The following TLK1 variants were observed in gnomAD, a reference collection of about 807,000 sequenced individuals.
TLK1 encodes serine/threonine-protein kinase tousled-like 1.
A neutral mutation model predicts 105.3 loss-of-function variants in TLK1; 24 were observed. The ratio of observed to expected loss-of-function variants is 0.23; its 90% CI spans 0.17 to 0.32. TLK1 has a LOEUF of 0.32. Ranked by LOEUF, TLK1 falls within the 10% of genes least tolerant of loss-of-function variation. The pLI is 1.00. For synonymous variants in TLK1, 321 were observed against 310.4 expected, an observed-to-expected ratio of 1.03 and a Z score of -0.36; for missense variants, 558 against 910.5, an observed-to-expected ratio of 0.61 and a Z score of 4.98.
At chr2:171,023,225 GA>G (rs1260243684) in intron 12 of TLK1, 2 of 468,452 alleles carry the variant, frequency 4.3e-6, no homozygotes, top group Admixed American at 2.4e-5. Context: ...TGTTGGATGT[GA>G]TTTTTGTTTT....
chr2:171,216,678 A>G (rs1227634372), intron 1 of TLK1, among the ~76,000 whole-genome samples: 1 of 152,114 alleles, frequency 6.6e-6, no homozygotes, highest in African/African-American at 2.4e-5. Context: ...AAGTAGGGCC[A>G]TTATAGTTGT....
intron 1 of TLK1, among the ~76,000 whole-genome samples, chr2:171,146,408 A>G (rs10182205): frequency 0.4 from 61,332 of 151,954 alleles, 14,120 homozygotes; most frequent in African/African-American, 0.62. Context: ...TTATGACATC[A>G]GCATATGACC....
intron 10 of TLK1, among the ~76,000 whole-genome samples, chr2:171,048,630 C>CAAGAGT (rs1290211447): frequency 6.6e-6 from 1 of 151,184 alleles, no homozygotes; most frequent in African/African-American, 2.4e-5. Flanking sequence ...AGAATTGAAA[C>CAAGAGT]CCAAACTCTC....
At chr2:171,146,012 G>C (rs1691777912) in intron 1 of TLK1, among the ~76,000 whole-genome samples, 1 of 151,926 alleles carries the variant, frequency 6.6e-6, no homozygotes, top group Non-Finnish European at 1.5e-5. Context: ...ATAACTTACT[G>C]AGCACTACTT....
At chr2:171,028,678 C>G (rs944319497) in intron 11 of TLK1, among the ~76,000 whole-genome samples, 1 of 151,986 alleles carries the variant, frequency 6.6e-6, no homozygotes, top group Non-Finnish European at 1.5e-5. Flanking sequence ...TTAGATGAAA[C>G]AGTTAACTAA....
intron 1 of TLK1, among the ~76,000 whole-genome samples, chr2:171,124,570 G>C (rs1690792964): frequency 6.6e-6 from 1 of 152,204 alleles, no homozygotes; most frequent in South Asian, 2.1e-4. Flanking sequence ...CTTCACAGTT[G>C]ACAGTACTGA....
chr2:171,097,523 C>T (rs1208406471), intron 2 of TLK1, among the ~76,000 whole-genome samples: 2 of 152,120 alleles, frequency 1.3e-5, no homozygotes, highest in African/African-American at 2.4e-5. Flanking sequence ...CCAATCAACA[C>T]AGTAAAGAGA....
intron 2 of TLK1, among the ~76,000 whole-genome samples, chr2:171,111,922 G>A (rs2105520992): frequency 6.6e-6 from 1 of 151,410 alleles, no homozygotes; most frequent in South Asian, 2.1e-4. Flanking sequence ...AATTAATCAT[G>A]TATTAAATCC....
At position 171,041,278 on chromosome 2, in the gene TLK1, T is replaced by C. The variant is rs1247124189; in HGVS notation, c.1169+4896A>G. On this transcript the variant is annotated intron_variant, in intron 11 of 20. Transcript: ENST00000431350. ...ACATGCATTACCTCCTACCATCTTT[T>C]CAACAGTATAATGTAGATACTTTCA... Among the ~76,000 whole-genome samples, 4 of 152,224 alleles carry C rather than the reference T, an allele frequency of 2.6e-5. No homozygotes were observed. The East Asian group carries it at 7.7e-4, about 29-fold the overall frequency.
rs896359807 is a variant in TLK1 at position 171,169,092 on chromosome 2, A to T, written c.-5-51235T>A. Reference sequence around the variant, plus strand: ...GACCCTTTCTCAAAAAAAAAAAAAAATTTGTTTTTTGATCCACTAATTTCA... The same window carrying T: ...GACCCTTTCTCAAAAAAAAAAAAAATTTTGTTTTTTGATCCACTAATTTCA... On this transcript the variant is annotated intron_variant, in intron 1 of 20. Transcript: ENST00000521943. 3.3e-5 allele frequency among the ~76,000 whole-genome samples: 5 copies of T among 152,068 alleles called. 1 individual carries two copies. The Middle Eastern group carries it at 0.01, about 310-fold the overall frequency.
At chr2:171,145,778 GATGA>G (rs1691769900) in intron 1 of TLK1, among the ~76,000 whole-genome samples, 1 of 152,096 alleles carries the variant, frequency 6.6e-6, no homozygotes, top group African/African-American at 2.4e-5. Flanking sequence ...AAATAATGTG[GATGA>G]ATCTTACAAA....
intron 11 of TLK1, among the ~76,000 whole-genome samples, chr2:171,042,843 A>C (rs745883109): frequency 3.3e-5 from 5 of 152,210 alleles, no homozygotes; most frequent in Admixed American, 6.5e-5. Flanking sequence ...GCAAGAAAGC[A>C]CAGTCCATTT....
At chr2:171,011,881 T>C (rs1010000689) in intron 13 of TLK1, among the ~76,000 whole-genome samples, 2 of 152,142 alleles carry the variant, frequency 1.3e-5, no homozygotes, top group African/African-American at 4.8e-5. Flanking sequence ...CATCATTAAA[T>C]TTTACTGTCT....
chr2:171,039,510 G>A (rs543532000), intron 11 of TLK1, among the ~76,000 whole-genome samples: 13 of 152,176 alleles, frequency 8.5e-5, no homozygotes, highest in Non-Finnish European at 1.8e-4. Context: ...CACCCACCTC[G>A]GCCTCCTAAA....
At chr2:171,123,373 T>A (rs1313601223) in intron 1 of TLK1, among the ~76,000 whole-genome samples, 1 of 56,514 alleles carries the variant, frequency 1.8e-5, no homozygotes, top group Non-Finnish European at 3.6e-5. Flanking sequence ...ATTTTTGTAA[T>A]TTTTTTTTTA....
intron 3 of TLK1, 54 bp downstream of exon 3, chr2:171,082,727 C>T (rs1193508104): frequency 2.3e-5 from 31 of 1,333,102 alleles, no homozygotes; most frequent in Admixed American, 7.8e-5. Context: ...CTAATTAAAA[C>T]GGTGATTCCA....
chr2:171,230,464 A>G (rs1360716560), intron 1 of TLK1, among the ~76,000 whole-genome samples: 2 of 152,164 alleles, frequency 1.3e-5, no homozygotes, highest in Non-Finnish European at 2.9e-5. Context: ...GAAGGCCCCT[A>G]TAGAGGAATG....
chr2:171,012,485 ATTTATTTT>A (rs915354081), intron 13 of TLK1, among the ~76,000 whole-genome samples: 34 of 152,116 alleles, frequency 2.2e-4, no homozygotes, highest in African/African-American at 4.8e-4. Context: ...TTATTTATTT[ATTTATTTT>A]TTTATTTTTT....
At chr2:171,071,778 T>C (rs1037723704) in intron 3 of TLK1, among the ~76,000 whole-genome samples, 2 of 152,238 alleles carry the variant, frequency 1.3e-5, no homozygotes, top group Non-Finnish European at 2.9e-5. Flanking sequence ...ATAGGGGATC[T>C]AGTTTCATTC....
Sources: gnomAD v4.1 joint callset for allele counts (sites outside exome capture counted in the v4.1 genomes callset) on GRCh38, gnomAD v4.1.1 for gene constraint, MANE v1.5 for transcripts, NCBI Gene and HGNC (gene_info 2026-07-23, HGNC 2026-07-21) for gene names.